SPATA16: variants seen among roughly 807,000 people sequenced by gnomAD.
SPATA16 encodes spermatogenesis associated 16.
A neutral mutation model predicts 63.3 loss-of-function variants in SPATA16; 36 were observed. The observed-to-expected ratio is 0.57, with a 90% CI of 0.44 to 0.75. The LOEUF (loss-of-function observed/expected upper bound fraction) is 0.75, where lower values mean the gene tolerates loss of function less well. Among genes scored for constraint, SPATA16 ranks in the 30% least tolerant of loss-of-function variants. The probability of loss-of-function intolerance (pLI) is 0.00; values close to 1 mark genes in which losing one functional copy is unlikely to be tolerated. For missense variants in SPATA16, 646 were observed against 679.3 expected (o/e 0.95, Z 0.54); for synonymous variants, 203 against 216.7 (o/e 0.94, Z 0.56).
chr3:173,012,565 G>C (rs2108272533), intron 4 of SPATA16, among the ~76,000 whole-genome samples: 1 of 152,124 alleles, frequency 6.6e-6, no homozygotes, highest in Middle Eastern at 3.4e-3. Context: ...GCATAGTACT[G>C]GTACAAAAAC....
chr3:172,951,493 AT>A (rs111869494), intron 6 of SPATA16, among the ~76,000 whole-genome samples: 3,345 of 147,960 alleles, frequency 0.023, 55 homozygotes, highest in South Asian at 0.074. Context: ...TTATTTGATA[AT>A]TTAAAAAAAA....
chr3:172,977,994 A>G (rs989784884), intron 4 of SPATA16, among the ~76,000 whole-genome samples: 17 of 152,260 alleles, frequency 1.1e-4, no homozygotes, highest in Non-Finnish European at 2.1e-4. Context: ...TGTATAAGTC[A>G]TAGCAGTTAT....
Position 173,019,518 on chromosome 3 carries a change from A to G in SPATA16, c.816T>C (p.Phe272=). Residue 272 remains phenylalanine, a synonymous_variant, in exon 4 of 11, where the codon TTT becomes TTC. Coordinates refer to ENST00000351008, the MANE Select transcript of SPATA16 (RefSeq NM_031955.6). The part of the protein sequence containing the change: ...FRNHLRQATV[F]RCLERYSEAA... Reference sequence around the variant, plus strand: ...CCTCTGAATACCTCTCCAGACATCTAAACACTGTTGCTTGACGAAGATGAT... The same window carrying G: ...CCTCTGAATACCTCTCCAGACATCTGAACACTGTTGCTTGACGAAGATGAT... The G allele has an allele frequency of 1.2e-6, 2 of 1,614,122 alleles. No homozygotes were observed. The highest frequency in any genetic ancestry group is 1.7e-6 in the Non-Finnish European group (2 of 1,179,978).
chr3:172,930,236 C>G (rs1288425608), intron 6 of SPATA16, among the ~76,000 whole-genome samples: 1 of 152,218 alleles, frequency 6.6e-6, no homozygotes, highest in East Asian at 1.9e-4. Context: ...CTGTCACATC[C>G]TTCCTCAGGA....
At chr3:172,945,938 C>T (rs1475540280) in intron 6 of SPATA16, among the ~76,000 whole-genome samples, 1 of 152,134 alleles carries the variant, frequency 6.6e-6, no homozygotes, top group African/African-American at 2.4e-5. Context: ...TGTCACCTCT[C>T]CCCCAACCAC....
chr3:173,084,181 C>G (rs1736992214), intron 2 of SPATA16, among the ~76,000 whole-genome samples: 2 of 152,084 alleles, frequency 1.3e-5, no homozygotes, highest in African/African-American at 4.8e-5. Context: ...TTGCTAGCAT[C>G]TGTTGTTTCT....
chr3:172,900,901 A>G (rs935423747), intron 10 of SPATA16, among the ~76,000 whole-genome samples: 4 of 151,960 alleles, frequency 2.6e-5, no homozygotes, highest in African/African-American at 4.8e-5. Context: ...TCTTCCTCCC[A>G]AAGTGCTGGG....
At chr3:172,957,083 A>G (rs1043406783) in intron 5 of SPATA16, among the ~76,000 whole-genome samples, 4 of 152,198 alleles carry the variant, frequency 2.6e-5, no homozygotes, top group African/African-American at 7.2e-5. Flanking sequence ...AGATAAAAAT[A>G]TAAATTCTGT....
At chr3:173,102,758 T>C (rs1298871031) in intron 2 of SPATA16, among the ~76,000 whole-genome samples, 1 of 152,150 alleles carries the variant, frequency 6.6e-6, no homozygotes, top group Non-Finnish European at 1.5e-5. Flanking sequence ...CTTATCACAT[T>C]AAAGAAACAT....
intron 4 of SPATA16, among the ~76,000 whole-genome samples, chr3:172,989,132 T>C (rs753982953): frequency 5.9e-5 from 9 of 152,162 alleles, no homozygotes; most frequent in Non-Finnish European, 1.2e-4. Context: ...AATCTTCCAC[T>C]GTGAAACCCA....
intron 6 of SPATA16, among the ~76,000 whole-genome samples, chr3:172,942,417 T>G (rs113345897): frequency 2.6e-5 from 4 of 152,274 alleles, no homozygotes; most frequent in African/African-American, 9.6e-5. Context: ...CTAGTGAATT[T>G]ATTAATATCA....
At chr3:172,947,791 A>G (rs918230693) in intron 6 of SPATA16, among the ~76,000 whole-genome samples, 2 of 151,948 alleles carry the variant, frequency 1.3e-5, no homozygotes, top group Non-Finnish European at 2.9e-5. Context: ...AGTGAGGGGC[A>G]AGGGGAAGGA....
intron 2 of SPATA16, among the ~76,000 whole-genome samples, chr3:173,108,717 A>G (rs1355667746): frequency 6.6e-6 from 1 of 152,230 alleles, no homozygotes. Flanking sequence ...ATAATGGAGC[A>G]GCCCTATACA....
chr3:172,956,317 GA>G (rs895255263), intron 6 of SPATA16, among the ~76,000 whole-genome samples: 1 of 151,598 alleles, frequency 6.6e-6, no homozygotes, highest in Non-Finnish European at 1.5e-5. Flanking sequence ...GTAGGGACTG[GA>G]AAAAAAATCC....
intron 5 of SPATA16, among the ~76,000 whole-genome samples, chr3:172,961,062 TCTTCTTTCTTC>T (rs757361575): frequency 0.045 from 1,684 of 37,028 alleles, 108 homozygotes; most frequent in South Asian, 0.056. Flanking sequence ...TTTCTTTCTT[TCTTCTTTCTTC>T]CTTCCTTCCT....
At chr3:172,996,421 G>A (rs1340259369) in intron 4 of SPATA16, among the ~76,000 whole-genome samples, 3 of 151,916 alleles carry the variant, frequency 2.0e-5, no homozygotes, top group Non-Finnish European at 4.4e-5. Context: ...TTTGCTCATT[G>A]ATTTTGGCAT....
intron 10 of SPATA16, among the ~76,000 whole-genome samples, chr3:172,899,742 T>G (rs1390636981): frequency 1.3e-5 from 2 of 152,260 alleles, no homozygotes; most frequent in Admixed American, 1.3e-4. Flanking sequence ...AGAATTCCAT[T>G]TTGACATAAC....
At chr3:172,984,608 C>T (rs1434923704) in intron 4 of SPATA16, among the ~76,000 whole-genome samples, 2 of 152,074 alleles carry the variant, frequency 1.3e-5, no homozygotes, top group East Asian at 3.9e-4. Flanking sequence ...GGAATTTTTT[C>T]CTGAGACTGA....
chr3:173,107,336 A>T (rs2108329422), intron 2 of SPATA16, among the ~76,000 whole-genome samples: 1 of 152,272 alleles, frequency 6.6e-6, no homozygotes, highest in East Asian at 1.9e-4. Flanking sequence ...ATTTATAGAT[A>T]TGTAATATAT....
Sources: gnomAD v4.1 joint callset for allele counts (sites outside exome capture counted in the v4.1 genomes callset) on GRCh38, gnomAD v4.1.1 for gene constraint, MANE v1.5 for transcripts, NCBI Gene and HGNC (gene_info 2026-07-23, HGNC 2026-07-21) for gene names.